BRWD1: variants seen among roughly 807,000 people sequenced by gnomAD.
The protein encoded by BRWD1 is bromodomain and WD repeat domain containing 1, also known as bromodomain and WD repeat-containing protein 1.
Under a neutral mutation model 251.2 loss-of-function variants are expected in BRWD1, and 82 were observed. The observed-to-expected ratio is 0.33, with a 90% CI of 0.27 to 0.39. BRWD1 has a LOEUF of 0.39. BRWD1 is among the 10% of genes least tolerant of loss of function. The pLI, the probability that BRWD1 is intolerant of heterozygous loss-of-function variation, is 1.00. For missense variants in BRWD1, 2,233 were observed against 2,711.6 expected (o/e 0.82, Z 3.92); for synonymous variants, 918 against 902.8 (o/e 1.02, Z -0.30).
upstream of BRWD1, chr21:39,313,671 C>CGGGGGAGGAAGTAGTCCCTCCGCGG (rs2036607953): frequency 1.6e-5 from 7 of 424,930 alleles, no homozygotes; most frequent in Non-Finnish European, 2.4e-5. Context: ...AGTTCCTCCG[C>CGGGGGAGGAAGTAGTCCCTCCGCGG]GGGAGACGAA....
At chr21:39,262,639 C>T (rs1020338988) in intron 17 of BRWD1, among the ~76,000 whole-genome samples, 2 of 151,620 alleles carry the variant, frequency 1.3e-5, no homozygotes, top group African/African-American at 2.4e-5. Context: ...CACTTGAACC[C>T]GGGTGGCGGA....
intron 29 of BRWD1, among the ~76,000 whole-genome samples, chr21:39,223,848 A>ATT (rs2146531679): frequency 6.6e-6 from 1 of 152,124 alleles, no homozygotes; most frequent in South Asian, 2.1e-4. Flanking sequence ...AAGGATGTAA[A>ATT]TTTTTTGTTT....
At position 39,236,484 on chromosome 21, in the gene BRWD1, A is replaced by AC. The variant is rs1313797398; in HGVS notation, c.2766+110dup. ...CCAGCCCCAGAGCAGGGCCCAAGAC[A>AC]CCCAAGGCACCACTATGCCAGTATC... On this transcript the variant is annotated intron_variant, in intron 23 of 40. Coordinates refer to ENST00000342449, the MANE Select transcript of BRWD1 (RefSeq NM_033656.4). 7 of 1,016,318 alleles carry AC rather than the reference A, an allele frequency of 6.9e-6. No homozygotes were observed. The African/African-American group carries it at 1.1e-4, about 17-fold the overall frequency. 63.0% of individuals were successfully genotyped at this position (1,016,318 alleles called of 1,614,324 possible).
At chr21:39,273,617 C>A (rs375678606) in intron 13 of BRWD1, among the ~76,000 whole-genome samples, 1 of 151,916 alleles carries the variant, frequency 6.6e-6, no homozygotes, top group Non-Finnish European at 1.5e-5. Context: ...TGCTCATAGT[C>A]CCAGCTACTT....
intron 1 of BRWD1, among the ~76,000 whole-genome samples, chr21:39,320,518 A>G (rs986483833): frequency 7.9e-5 from 12 of 152,032 alleles, no homozygotes; most frequent in African/African-American, 2.7e-4. Context: ...CATTTTTTCT[A>G]CAGACGGGGA....
Position 39,193,415 on chromosome 21 carries a change from AAGG to A in BRWD1, c.*2841_*2843del, listed in dbSNP as rs986299411. On this transcript the variant is annotated 3_prime_UTR_variant, in exon 41 of 41. Coordinates refer to ENST00000342449, the MANE Select transcript of BRWD1 (RefSeq NM_033656.4). ...ACATTGTAAGTATACCTTTTTAAAT[AAGG>A]AGGACACGAAAAAAGAAAGCTTTGT... is the stretch of plus-strand genomic sequence containing the variant. 11 of 984,720 alleles carry A rather than the reference AAGG, an allele frequency of 1.1e-5. No homozygotes were observed. The highest frequency in any genetic ancestry group is 1.3e-5 in the Non-Finnish European group (11 of 829,310). The allele number at this position is 984,720 out of a possible 1,614,324, so 61.0% of individuals were successfully genotyped here. A position where few individuals can be genotyped will look rare whatever the true frequency, so the allele number is the denominator to read the frequency against.
intron 4 of BRWD1, among the ~76,000 whole-genome samples, chr21:39,300,543 G>A (rs575618710): frequency 6.6e-6 from 1 of 152,330 alleles, no homozygotes; most frequent in South Asian, 2.1e-4. Flanking sequence ...TTTACTGAAT[G>A]TAACAAAGCT....
At chr21:39,294,142 G>C in intron 7 of BRWD1, 110 bp from the exon 8 acceptor site, 1 of 766,104 alleles carries the variant, frequency 1.3e-6, no homozygotes, top group Non-Finnish European at 2.1e-6. Flanking sequence ...TCCAACTATA[G>C]AATACTCTCT....
chr21:39,313,720 A>T (rs539581376), upstream of BRWD1: 162 of 382,640 alleles, frequency 4.2e-4, 2 homozygotes, highest in African/African-American at 2.7e-3. Flanking sequence ...TTGCGCCAAG[A>T]GAGGACCGGA....
intron 8 of BRWD1, among the ~76,000 whole-genome samples, chr21:39,285,443 T>C (rs2035602763): frequency 6.6e-6 from 1 of 152,146 alleles, no homozygotes; most frequent in Admixed American, 6.5e-5. Context: ...AACAATGTGA[T>C]AGACATTTCA....
At chr21:39,312,771 G>A in intron 4 of BRWD1, 70 bp downstream of exon 4, 1 of 1,355,016 alleles carries the variant, frequency 7.4e-7, no homozygotes, top group Admixed American at 2.1e-5. Context: ...CGGGGTCCCC[G>A]CGAGGGGAAG....
chr21:39,295,853 C>A lies in BRWD1; in HGVS notation c.499G>T (p.Ala167Ser). The A allele has an allele frequency of 6.2e-7, 1 of 1,608,606 alleles. No individual in the cohort carries two copies. The highest frequency in any genetic ancestry group is 8.5e-7 in the Non-Finnish European group (1 of 1,176,732). Reference sequence around the variant, plus strand: ...TGCTGATACATAGTTCCTGGAAATGCTGTACTAAAAGTGGAACACCCTGTG... The same window carrying A: ...TGCTGATACATAGTTCCTGGAAATGATGTACTAAAAGTGGAACACCCTGTG... ...QLTGCSTFSTAFPGTMYQHIK... is the reference protein window; with the variant it reads ...QLTGCSTFSTSFPGTMYQHIK... Residue 167 changes from alanine (A) to serine (S), a missense_variant, in exon 7 of 41, where the codon GCA becomes TCA. Around this residue, in one of 12 missense-constraint regions of BRWD1, gnomAD observed 185 missense variants for 260.6 expected, o/e 0.71. Transcript: ENST00000342449.
chr21:39,297,847 A>G (rs2036000005), intron 5 of BRWD1: 3 of 965,962 alleles, frequency 3.1e-6, no homozygotes, highest in Admixed American at 6.2e-5. Flanking sequence ...CATATATTAT[A>G]TCACATACAT....
At chr21:39,293,708 CAT>C (rs2035878144) in intron 8 of BRWD1, 101 bp downstream of exon 8, 1 of 848,778 alleles carries the variant, frequency 1.2e-6, no homozygotes, top group African/African-American at 1.7e-5. Context: ...TTACTTAAAA[CAT>C]AACTAATACA....
rs917940554 is a variant in BRWD1, at chr21:39,313,495, C to CGGGCGCG, written c.-11_-5dup. 8 of 1,122,406 alleles carry CGGGCGCG rather than the reference C, an allele frequency of 7.1e-6. No homozygotes were observed. In the African/African-American group the frequency reaches 1.4e-4, roughly 19 times the overall value. The allele number at this position is 1,122,406 out of a possible 1,614,324, so 69.5% of individuals were successfully genotyped here. Reference sequence around the variant, plus strand: ...GGGCGGACGACGGCTCCGCCATGGCCGGGCGCGGGGCGGGAGGCGGGAGCG... The same window carrying CGGGCGCG: ...GGGCGGACGACGGCTCCGCCATGGCCGGGCGCGGGGCGCGGGGCGGGAGGCGGGAGCG... On this transcript the variant is annotated 5_prime_UTR_variant, in exon 1 of 41. Coordinates refer to ENST00000342449, the MANE Select transcript of BRWD1 (RefSeq NM_033656.4).
chr21:39,313,612 GCCATACC>G lies in BRWD1; in HGVS notation c.-128_-122del. 3 of 776,046 alleles carry G rather than the reference GCCATACC, an allele frequency of 3.9e-6. No individual in the cohort carries two copies. Among genetic ancestry groups the G allele is most frequent in the Non-Finnish European group, 5.2e-6 (3 of 576,544 alleles). 48.1% of individuals were successfully genotyped at this position (776,046 alleles called of 1,614,324 possible). A position where few individuals can be genotyped will look rare whatever the true frequency, so the allele number is the denominator to read the frequency against. ...GCGCGCCGCCGCCGCCGCCGCCGCC[GCCATACC>G]GTGCGCGCCGCCTGGACCGACGCCT... On this transcript the variant is annotated 5_prime_UTR_variant, in exon 1 of 41. It removes an upstream start codon present in the reference 5' UTR. Coordinates refer to ENST00000342449, the MANE Select transcript of BRWD1 (RefSeq NM_033656.4).
At chr21:39,256,850 G>T (rs2034577542) in intron 18 of BRWD1, among the ~76,000 whole-genome samples, 1 of 152,184 alleles carries the variant, frequency 6.6e-6, no homozygotes, top group African/African-American at 2.4e-5. Flanking sequence ...ACGAGTGAAT[G>T]CAACTTCTGC....
Position 39,199,093 on chromosome 21 carries a change from G to A in BRWD1, c.5323C>T (p.Pro1775Ser), listed in dbSNP as rs202178838. 4.5e-5 allele frequency: 73 copies of A among 1,613,824 alleles called. 1 individual carries two copies. The highest frequency in any genetic ancestry group is 6.8e-6 in the Non-Finnish European group (8 of 1,179,990). Residue 1775 changes from proline to serine, a missense_variant, in exon 40 of 41, where the codon CCA (proline) becomes TCA (serine). Physicochemically the swap from Pro to Ser is moderately conservative, Grantham distance 74. This residue lies in a region of BRWD1 where 928 missense variants were observed against 970.0 expected (regional missense o/e 0.96). Transcript: ENST00000342449. ...TTAAGTTTCTGCACAGACGTTGATG[G>A]GCCAGCAGTTCTGTTACATGCATGA... The part of the protein sequence containing the change: ...SDHACNRTAG[P>S]STSVQKLKAE...
chr21:39,251,786 G>GA (rs1288458127), intron 19 of BRWD1, among the ~76,000 whole-genome samples: 1 of 152,148 alleles, frequency 6.6e-6, no homozygotes, highest in African/African-American at 2.4e-5. Context: ...GCAGCCAAAT[G>GA]AAAGTCCCAC....
Sources: gnomAD v4.1 joint callset for allele counts (sites outside exome capture counted in the v4.1 genomes callset) on GRCh38, gnomAD v4.1.1 for gene constraint, gnomAD v4.1.1 regional missense constraint, MANE v1.5 for transcripts, NCBI Gene and HGNC (gene_info 2026-07-23, HGNC 2026-07-21) for gene names.